Variants in PTK2B observed in about 807,000 individuals in gnomAD.
PTK2B encodes protein tyrosine kinase 2 beta.
A neutral mutation model predicts 142.9 loss-of-function variants in PTK2B; 71 were observed. That is an observed-to-expected ratio of 0.50 (90% confidence interval 0.41 to 0.61). The LOEUF (loss-of-function observed/expected upper bound fraction) is 0.61. Among genes scored for constraint, PTK2B ranks in the 20% least tolerant of loss-of-function variants. The pLI is 0.00. For synonymous variants in PTK2B, 519 were observed against 503.4 expected (o/e 1.03, Z -0.42); for missense variants, 1,105 against 1,320.4 (o/e 0.84, Z 2.53).
rs374221679 is a variant in PTK2B at position 27,401,700 on chromosome 8, G to C, written c.204+3912G>C. Reference sequence around the variant, plus strand: ...ATTCCATCTCTTATGGGAAGCCACTGATATAATTTAAAACTATGAGTGACA... The same window carrying C: ...ATTCCATCTCTTATGGGAAGCCACTCATATAATTTAAAACTATGAGTGACA... On this transcript the variant is annotated intron_variant, in intron 2 of 30. Transcript: ENST00000346049. Among the ~76,000 whole-genome samples, 11 of 152,282 alleles carry C rather than the reference G, an allele frequency of 7.2e-5. No individual in the cohort carries two copies. In the South Asian group the frequency reaches 1.9e-3, roughly 26 times the overall value.
chr8:27,422,205 T>C, intron 4 of PTK2B, 99 bp from the exon 5 acceptor site: 1 of 1,179,644 alleles, frequency 8.5e-7, no homozygotes, highest in Non-Finnish European at 1.2e-6. Context: ...TGGCTGTCAC[T>C]CAGGGAGGCA....
chr8:27,376,244 G>A (rs1806662915), intron 1 of PTK2B, among the ~76,000 whole-genome samples: 1 of 152,226 alleles, frequency 6.6e-6, no homozygotes, highest in African/African-American at 2.4e-5. Context: ...CAATAGGCTT[G>A]GCTGCCCCCA....
intron 3 of PTK2B, among the ~76,000 whole-genome samples, chr8:27,420,285 C>T (rs1421104854): frequency 3.3e-5 from 5 of 152,086 alleles, no homozygotes; most frequent in Non-Finnish European, 7.4e-5. Flanking sequence ...CCAGAGCCAA[C>T]ACCTAAAGGT....
intron 1 of PTK2B, among the ~76,000 whole-genome samples, chr8:27,336,628 T>A (rs1002502879): frequency 7.2e-5 from 11 of 152,234 alleles, no homozygotes; most frequent in African/African-American, 2.7e-4. Flanking sequence ...CACATGCTAA[T>A]AACAATACAT....
Position 27,437,386 on chromosome 8 carries a change from C to G in PTK2B, c.1427-10C>G. ...GCTCCACCTGTCCCTCTTGCCCCAC[C>G]ACACTGCAGTGATCATGAAGAACCT... On this transcript the variant is annotated splice_polypyrimidine_tract_variant and intron_variant, in intron 16 of 30. Transcript: ENST00000346049. 1.2e-6 allele frequency: 2 copies of G among 1,605,240 alleles called. No individual in the cohort carries two copies. The highest frequency in any genetic ancestry group is 1.7e-6 in the Non-Finnish European group (2 of 1,175,392).
chr8:27,435,383 T>C (rs1810708051), intron 13 of PTK2B, among the ~76,000 whole-genome samples: 1 of 152,186 alleles, frequency 6.6e-6, no homozygotes, highest in African/African-American at 2.4e-5. Flanking sequence ...ACAAAGGAAT[T>C]TGGGAGGTAC....
chr8:27,454,669 C>A, intron 30 of PTK2B, 58 bp downstream of exon 30: 1 of 1,562,076 alleles, frequency 6.4e-7, no homozygotes, highest in South Asian at 1.1e-5. Flanking sequence ...GCTTATGAGC[C>A]TCATTAGAGG....
At chr8:27,403,623 CAT>C (rs1477566360) in intron 2 of PTK2B, among the ~76,000 whole-genome samples, 1 of 152,086 alleles carries the variant, frequency 6.6e-6, no homozygotes, top group Non-Finnish European at 1.5e-5. Context: ...AGCAGAGGCT[CAT>C]ATCATTATAT....
chr8:27,411,639 G>A lies in PTK2B; in HGVS notation c.205-8256G>A, dbSNP rs149854775. On this transcript the variant is annotated intron_variant, in intron 2 of 30. Coordinates refer to ENST00000346049, the MANE Select transcript of PTK2B (RefSeq NM_173176.3). ...ATGTCAAAATTGGGTTCTCACCCTC[G>A]TTTGTATGACTCCAAAGTTAGAGCT... Among the ~76,000 whole-genome samples, 222 of 152,304 alleles carry A rather than the reference G, an allele frequency of 1.5e-3. 2 individuals carry two copies. Among genetic ancestry groups the A allele is most frequent in the African/African-American group, 4.9e-3 (204 of 41,564 alleles).
At chr8:27,456,646 C>A (rs182602506) in intron 30 of PTK2B, among the ~76,000 whole-genome samples, 155 of 152,264 alleles carry the variant, frequency 1.0e-3, no homozygotes, top group Admixed American at 5.1e-3. Flanking sequence ...AAATCAAAAG[C>A]TAGAAATGAT....
chr8:27,347,455 C>T (rs910325919), intron 1 of PTK2B, among the ~76,000 whole-genome samples: 24 of 152,316 alleles, frequency 1.6e-4, no homozygotes, highest in African/African-American at 4.1e-4. Flanking sequence ...GCTTCAACAA[C>T]GGAGATTTAT....
chr8:27,379,943 T>C (rs530423131), intron 1 of PTK2B, among the ~76,000 whole-genome samples: 4 of 152,208 alleles, frequency 2.6e-5, no homozygotes, highest in Non-Finnish European at 4.4e-5. Context: ...GGTTTCACCA[T>C]GTTGCCCAGG....
intron 1 of PTK2B, among the ~76,000 whole-genome samples, chr8:27,368,483 TGTG>T (rs1806150819): frequency 6.6e-6 from 1 of 152,208 alleles, no homozygotes; most frequent in African/African-American, 2.4e-5. Flanking sequence ...CTGTTCCCCT[TGTG>T]GTAGGAATTG....
intron 7 of PTK2B, among the ~76,000 whole-genome samples, chr8:27,430,642 C>T (rs926966126): frequency 6.6e-6 from 1 of 152,214 alleles, no homozygotes; most frequent in Non-Finnish European, 1.5e-5. Flanking sequence ...ATCAGCTCTG[C>T]GGCCCCAGTA....
intron 7 of PTK2B, among the ~76,000 whole-genome samples, chr8:27,430,643 G>A (rs1341138854): frequency 2.0e-5 from 3 of 152,144 alleles, no homozygotes; most frequent in South Asian, 2.1e-4. Flanking sequence ...TCAGCTCTGC[G>A]GCCCCAGTAC....
At chr8:27,321,158 C>G (rs1803207448), upstream of PTK2B, among the ~76,000 whole-genome samples, 1 of 151,742 alleles carries the variant, frequency 6.6e-6, no homozygotes, top group Admixed American at 6.6e-5. Context: ...CCATGCCCAG[C>G]TAATTTTTGT....
intron 1 of PTK2B, among the ~76,000 whole-genome samples, chr8:27,386,468 G>A (rs1807361542): frequency 1.3e-5 from 2 of 151,982 alleles, no homozygotes; most frequent in Non-Finnish European, 2.9e-5. Context: ...TAGGTAACTT[G>A]GCTTGTTTAA....
chr8:27,453,699 G>A (rs1314340620), intron 28 of PTK2B, among the ~76,000 whole-genome samples: 34 of 152,152 alleles, frequency 2.2e-4, no homozygotes, highest in Admixed American at 2.2e-3. Flanking sequence ...GGGCAATATA[G>A]CAAGAACCCA....
At chr8:27,458,164 A>T in intron 30 of PTK2B, 130 bp from the exon 31 acceptor site, 1 of 871,068 alleles carries the variant, frequency 1.1e-6, no homozygotes, top group Non-Finnish European at 1.8e-6. Flanking sequence ...GCCCTCTCCT[A>T]GGTCTGATTT....
Sources: allele counts gnomAD v4.1 joint callset (sites outside exome capture counted in the v4.1 genomes callset), GRCh38; gene constraint gnomAD v4.1.1; transcripts MANE v1.5; gene names NCBI Gene and HGNC (gene_info 2026-07-23, HGNC 2026-07-21).